Variants in ANAPC7 observed in about 807,000 individuals in gnomAD.
ANAPC7 encodes anaphase-promoting complex subunit 7.
Under a neutral mutation model 63.3 loss-of-function variants are expected in ANAPC7, and 25 were observed. The observed-to-expected ratio is 0.39, with a 90% CI of 0.29 to 0.55. The LOEUF is 0.55. ANAPC7 is among the 20% of genes least tolerant of loss of function. The probability of loss-of-function intolerance (pLI) is 0.57; values close to 1 mark genes in which losing one functional copy is unlikely to be tolerated. For missense variants in ANAPC7, 516 were observed against 691.7 expected (o/e 0.75, Z 2.85); for synonymous variants, 241 against 251.7 (o/e 0.96, Z 0.40).
rs1161673189 is a variant in ANAPC7, at chr12:110,376,119, A to G, written c.1455T>C (p.Leu485=). 2 of 1,613,986 alleles carry G rather than the reference A, an allele frequency of 1.2e-6. No homozygotes were observed. The highest frequency in any genetic ancestry group is 1.7e-6 in the Non-Finnish European group (2 of 1,180,032). ...CCTCCTGATACTCATTGACAGCTAC[A>G]AGGAAATCTCCTAGGATCCGATGCA... ...CVLHRILGDF[L]VAVNEYQEAM... is the part of the protein sequence containing the mutation. Residue 485 remains leucine, a synonymous_variant, in exon 10 of 11, where the codon CTT becomes CTC. Transcript: ENST00000455511.
rs1883526017 is a variant in ANAPC7, at chr12:110,395,808, G to A, written c.288+458C>T. ...CCGCCTAGGCCTCCCAAAGTGCTGG[G>A]ATTACAGGCGTGAGCCACTGCGCCC... is the stretch of plus-strand genomic sequence containing the variant. On this transcript the variant is annotated intron_variant, in intron 2 of 10. Transcript: ENST00000455511. 2.6e-5 allele frequency among the ~76,000 whole-genome samples: 4 copies of A among 152,192 alleles called. No homozygotes were observed. In the South Asian group the frequency reaches 8.3e-4, roughly 32 times the overall value.
chr12:110,382,457 AAAAAATATATATATATATAT>A (rs1452291638), intron 7 of ANAPC7, among the ~76,000 whole-genome samples: 5 of 65,268 alleles, frequency 7.7e-5, no homozygotes, highest in East Asian at 2.9e-4. Context: ...AAAAAAAAAA[AAAAAATATATATATATATAT>A]ATATATATAT....
intron 1 of ANAPC7, among the ~76,000 whole-genome samples, chr12:110,399,149 T>C (rs549074591): frequency 6.7e-6 from 1 of 150,088 alleles, no homozygotes; most frequent in East Asian, 2.1e-4. Context: ...GCCTCCCGAG[T>C]AGCTAGGATT....
chr12:110,374,331 A>G lies in ANAPC7; in HGVS notation c.1511T>C (p.Leu504Ser). 6.2e-7 allele frequency: 1 copy of G among 1,613,614 alleles called. No individual in the cohort carries two copies. The highest frequency in any genetic ancestry group is 8.5e-7 in the Non-Finnish European group (1 of 1,179,686). ...AMDQYSIALSLDPNDQKSLEG... is the reference protein window; with the variant it reads ...AMDQYSIALSSDPNDQKSLEG... ...TAGAGACTTCTGGTCATTGGGGTCCAAACTAGGGGACAACAAAACAAAGGA... is the reference window on the plus strand; with the variant it reads ...TAGAGACTTCTGGTCATTGGGGTCCGAACTAGGGGACAACAAAACAAAGGA... Residue 504 changes from leucine (L) to serine (S), a missense_variant and splice_region_variant, in exon 11 of 11, where the codon TTG (leucine) becomes TCG (serine). By Grantham distance (145) the Leu-to-Ser change is moderately radical. Around this residue, in one of 4 missense-constraint regions of ANAPC7, gnomAD observed 122 missense variants for 212.0 expected, o/e 0.58. Coordinates refer to ENST00000455511, the MANE Select transcript of ANAPC7 (RefSeq NM_016238.3).
Position 110,398,308 on chromosome 12 carries a change from T to C in ANAPC7, c.102-1856A>G, listed in dbSNP as rs145572127. Among the ~76,000 whole-genome samples the C allele has an allele frequency of 6.9e-3, 1,045 of 151,786 alleles. 1 individual carries two copies. Among genetic ancestry groups the C allele is most frequent in the Non-Finnish European group, 9.4e-3 (639 of 67,920 alleles). On this transcript the variant is annotated intron_variant, in intron 1 of 10. Coordinates refer to ENST00000455511, the MANE Select transcript of ANAPC7 (RefSeq NM_016238.3). ...GTGCATGCCCGTAATCCCAGCTACT[T>C]AGGAGGCTAAGACAGGACAATCGCT... is the stretch of plus-strand genomic sequence containing the variant.
rs961078461 is a variant in ANAPC7 at position 110,386,575 on chromosome 12, T to C, written c.675-106A>G. The C allele has an allele frequency of 6.4e-6, 7 of 1,091,348 alleles. No homozygotes were observed. In the African/African-American group the frequency reaches 9.6e-5, roughly 15 times the overall value. The allele number at this position is 1,091,348 out of a possible 1,614,324, so 67.6% of individuals were successfully genotyped here. The stretch of plus-strand genomic sequence containing the variant: ...CAGATACTATTTTCTTTTGCATAAA[T>C]ATAAAATTCTTCGTAATAAAAAACT... On this transcript the variant is annotated intron_variant, in intron 5 of 10. Coordinates refer to ENST00000455511, the MANE Select transcript of ANAPC7 (RefSeq NM_016238.3).
intron 6 of ANAPC7, among the ~76,000 whole-genome samples, chr12:110,385,546 ATGGG>A (rs888706497): frequency 2.6e-5 from 4 of 152,188 alleles, no homozygotes; most frequent in African/African-American, 9.7e-5. Flanking sequence ...CATTTTCATC[ATGGG>A]TGCAGGCAGC....
intron 1 of ANAPC7, among the ~76,000 whole-genome samples, chr12:110,402,657 G>A (rs1305331857): frequency 6.6e-6 from 1 of 151,744 alleles, no homozygotes; most frequent in African/African-American, 2.4e-5. Context: ...AAGCAGGAGA[G>A]GGACATGCAC....
rs1159374781 is a variant in ANAPC7 at position 110,383,875 on chromosome 12, C to CAAA, written c.818-918_818-916dup. ...TTGGCTACAGAGCGAGACTCCGTCT[C>CAAA]AAAAAAAAAAAAAAAAAAAAAAAGA... On this transcript the variant is annotated intron_variant, in intron 6 of 10. Transcript: ENST00000455511. Among the ~76,000 whole-genome samples, 77 of 50,596 alleles carry CAAA rather than the reference C, an allele frequency of 1.5e-3. 1 individual carries two copies. Among genetic ancestry groups the CAAA allele is most frequent in the African/African-American group, 2.6e-3 (39 of 14,726 alleles). 33.2% of individuals were successfully genotyped at this position (50,596 alleles called of 152,430 possible).
chr12:110,382,179 G>A (rs1881918285), intron 7 of ANAPC7, among the ~76,000 whole-genome samples: 1 of 151,366 alleles, frequency 6.6e-6, no homozygotes, highest in Non-Finnish European at 1.5e-5. Context: ...TTATGAAAAA[G>A]AACCTATGAT....
At position 110,395,213 on chromosome 12, in the gene ANAPC7, G is replaced by A; in HGVS notation, c.296C>T (p.Pro99Leu). 4 of 1,609,924 alleles carry A rather than the reference G, an allele frequency of 2.5e-6. No individual in the cohort carries two copies. The highest frequency in any genetic ancestry group is 3.4e-6 in the Non-Finnish European group (4 of 1,178,498). The change falls in exon 3 of 11, where the codon CCA becomes CTA. Residue 99 changes from proline (P) to leucine (L), a missense_variant. This residue lies in a region of ANAPC7 where 185 missense variants were observed against 200.3 expected (regional missense o/e 0.92). Coordinates refer to ENST00000455511, the MANE Select transcript of ANAPC7 (RefSeq NM_016238.3). ...TTTGTATTTCACTTCAATTTCAGAT[G>A]GAAGACACTAAAAGACAATGGAAAT... ...SASTPQSQCLPSEIEVKYKMA... is the reference protein window; with the variant it reads ...SASTPQSQCLLSEIEVKYKMA...
chr12:110,395,975 G>C, intron 2 of ANAPC7, among the ~76,000 whole-genome samples: 1 of 152,164 alleles, frequency 6.6e-6, no homozygotes, highest in Admixed American at 6.6e-5. Context: ...GGATGAAACT[G>C]TTCCACCTCA....
At chr12:110,386,773 T>G (rs1592909724) in intron 5 of ANAPC7, 1 of 230,580 alleles carries the variant, frequency 4.3e-6, no homozygotes, top group East Asian at 1.1e-4. Flanking sequence ...TATTTATTAC[T>G]CAAGTAAACG....
At chr12:110,399,277 C>T (rs2062188873) in intron 1 of ANAPC7, among the ~76,000 whole-genome samples, 1 of 151,960 alleles carries the variant, frequency 6.6e-6, no homozygotes, top group African/African-American at 2.4e-5. Flanking sequence ...GCCTCAGCCT[C>T]CCAAAGTGCT....
chr12:110,390,621 A>C lies in ANAPC7; in HGVS notation c.409-1998T>G, dbSNP rs138434229. On this transcript the variant is annotated intron_variant, in intron 3 of 10. Coordinates refer to ENST00000455511, the MANE Select transcript of ANAPC7 (RefSeq NM_016238.3). ...CACTAATTCAAACAATGGAATAATGAAATACTAAAAATAAAACTATTTTTT... is the reference window on the plus strand; with the variant it reads ...CACTAATTCAAACAATGGAATAATGCAATACTAAAAATAAAACTATTTTTT... Among the ~76,000 whole-genome samples, 724 of 152,368 alleles carry C rather than the reference A, an allele frequency of 4.8e-3. 4 individuals carry two copies. Among genetic ancestry groups the C allele is most frequent in the African/African-American group, 0.017 (705 of 41,584 alleles).
chr12:110,383,932 G>A (rs187703059), intron 6 of ANAPC7, among the ~76,000 whole-genome samples: 7 of 151,082 alleles, frequency 4.6e-5, no homozygotes, highest in African/African-American at 1.7e-4. Context: ...GCCAGGCGCG[G>A]TGGCTCATGC....
intron 8 of ANAPC7, 88 bp downstream of exon 8, chr12:110,381,664 G>A: frequency 2.3e-6 from 3 of 1,298,062 alleles, no homozygotes; most frequent in Non-Finnish European, 3.2e-6. Context: ...AACAGAGTTT[G>A]GGAAGTGCTG....
chr12:110,385,142 C>T (rs1312879612), intron 6 of ANAPC7, among the ~76,000 whole-genome samples: 2 of 152,076 alleles, frequency 1.3e-5, no homozygotes, highest in African/African-American at 4.8e-5. Flanking sequence ...TGGCGGGCGC[C>T]TATAATCCCA....
chr12:110,377,932 T>A, intron 8 of ANAPC7: 1 of 666,478 alleles, frequency 1.5e-6, no homozygotes, highest in Non-Finnish European at 2.1e-6. Flanking sequence ...AATGCGACAC[T>A]AATGATTAGT....
Sources: gnomAD v4.1 joint callset for allele counts (sites outside exome capture counted in the v4.1 genomes callset) on GRCh38, gnomAD v4.1.1 for gene constraint, gnomAD v4.1.1 regional missense constraint, MANE v1.5 for transcripts, NCBI Gene and HGNC (gene_info 2026-07-23, HGNC 2026-07-21) for gene names.